The following MACROD2 variants were observed in gnomAD, a reference collection of about 807,000 sequenced individuals.
MACROD2 encodes ADP-ribose glycohydrolase MACROD2.
Under a neutral mutation model 70.4 loss-of-function variants are expected in MACROD2, and 36 were observed. That is an observed-to-expected ratio of 0.51 (90% CI 0.39 to 0.68). The LOEUF (loss-of-function observed/expected upper bound fraction) is 0.68. MACROD2 is among the 30% of genes least tolerant of loss of function. The probability of loss-of-function intolerance (pLI) is 0.00; values close to 1 mark genes in which losing one functional copy is unlikely to be tolerated. For missense variants in MACROD2, 496 were observed against 538.4 expected, an observed-to-expected ratio of 0.92 and a Z score of 0.78; for synonymous variants, 172 against 178.8, an observed-to-expected ratio of 0.96 and a Z score of 0.30.
chr20:14,039,401 G>A (rs951657020), intron 2 of MACROD2, among the ~76,000 whole-genome samples: 1 of 152,066 alleles, frequency 6.6e-6, no homozygotes, highest in Non-Finnish European at 1.5e-5. Flanking sequence ...AAAGAATGAT[G>A]TTACCAAAGG....
chr20:14,539,026 A>G (rs2085400138), intron 4 of MACROD2, among the ~76,000 whole-genome samples: 1 of 152,306 alleles, frequency 6.6e-6, no homozygotes, highest in East Asian at 1.9e-4. Context: ...CATTTCACAT[A>G]TGACTGGCTA....
Position 15,713,987 on chromosome 20 carries a change from G to GCGCA in MACROD2, c.646-148757_646-148756insGCAC, listed in dbSNP as rs1555868663. 4.2e-5 allele frequency among the ~76,000 whole-genome samples: 5 copies of GCGCA among 117,788 alleles called. No individual in the cohort carries two copies. In the East Asian group the frequency reaches 9.9e-4, roughly 23 times the overall value. The allele number at this position is 117,788 out of a possible 152,430, so 77.3% of individuals were successfully genotyped here. On this transcript the variant is annotated intron_variant, in intron 8 of 17. Coordinates refer to ENST00000684519, the MANE Select transcript of MACROD2 (RefSeq NM_001351661.2). ...TGTTCTAGTAAACACACACACATATGCACACACACACACACACACACACAC... is the reference window on the plus strand; with the variant it reads ...TGTTCTAGTAAACACACACACATATGCGCACACACACACACACACACACACACAC...
chr20:15,189,751 C>T (rs1488636970), intron 5 of MACROD2, among the ~76,000 whole-genome samples: 1 of 151,432 alleles, frequency 6.6e-6, no homozygotes, highest in Non-Finnish European at 1.5e-5. Context: ...AATACAGATC[C>T]TCTTCAGTGC....
intron 6 of MACROD2, among the ~76,000 whole-genome samples, chr20:15,362,477 T>C (rs2078364191): frequency 6.6e-6 from 1 of 152,180 alleles, no homozygotes; most frequent in Non-Finnish European, 1.5e-5. Flanking sequence ...CTATATTCAG[T>C]TTTTTGAGTT....
Position 15,690,320 on chromosome 20 carries a change from A to G in MACROD2, c.646-172425A>G, listed in dbSNP as rs150048250. Among the ~76,000 whole-genome samples the G allele has an allele frequency of 3.0e-3, 454 of 152,312 alleles. 3 individuals are homozygous for G. The highest frequency in any genetic ancestry group is 0.011 in the African/African-American group (446 of 41,580). On this transcript the variant is annotated intron_variant, in intron 8 of 17. Transcript: ENST00000684519. ...GATGGCAAGGGACAAAAGGAAGGGA[A>G]AAATCAAGGATGATTCTTAGGAATT...
chr20:15,706,774 A>C (rs1204219131), intron 8 of MACROD2, among the ~76,000 whole-genome samples: 1 of 152,186 alleles, frequency 6.6e-6, no homozygotes, highest in Non-Finnish European at 1.5e-5. Flanking sequence ...CTTTATCACC[A>C]TCATAATTCA....
intron 3 of MACROD2, among the ~76,000 whole-genome samples, chr20:14,321,279 C>T (rs938334657): frequency 1.1e-4 from 17 of 151,914 alleles, no homozygotes; most frequent in Admixed American, 3.9e-4. Flanking sequence ...GCAGGAGAAT[C>T]GCTTGAATCC....
At chr20:14,902,582 G>A (rs1023495493) in intron 5 of MACROD2, among the ~76,000 whole-genome samples, 1 of 152,134 alleles carries the variant, frequency 6.6e-6, no homozygotes, top group Non-Finnish European at 1.5e-5. Flanking sequence ...TCAGTCTAGG[G>A]GGAAGTGAGA....
Position 14,875,158 on chromosome 20 carries a change from G to A in MACROD2, c.418+190199G>A, listed in dbSNP as rs367798757. ...AGCACTTTGGGAGGCTGAGGTGGGC[G>A]GATCACGAGGTCAGGAGTTCGAGAC... is the stretch of plus-strand genomic sequence containing the variant. On this transcript the variant is annotated intron_variant, in intron 5 of 17. Transcript: ENST00000684519. 2.2e-3 allele frequency among the ~76,000 whole-genome samples: 340 copies of A among 151,994 alleles called. 2 individuals carry two copies. The highest frequency in any genetic ancestry group is 4.2e-3 in the Non-Finnish European group (287 of 67,944).
intron 8 of MACROD2, among the ~76,000 whole-genome samples, chr20:15,647,389 A>G (rs1246237157): frequency 6.6e-6 from 1 of 151,100 alleles, no homozygotes; most frequent in Non-Finnish European, 1.5e-5. Context: ...CTATTACGGC[A>G]TAAACATGAG....
intron 6 of MACROD2, among the ~76,000 whole-genome samples, chr20:15,280,323 T>A (rs936700342): frequency 1.3e-5 from 2 of 152,088 alleles, no homozygotes; most frequent in African/African-American, 2.4e-5. Flanking sequence ...CTTTTTTTTT[T>A]ATTTTATATA....
intron 2 of MACROD2, among the ~76,000 whole-genome samples, chr20:14,071,383 C>T (rs1368699890): frequency 6.6e-6 from 1 of 151,004 alleles, no homozygotes; most frequent in African/African-American, 2.4e-5. Context: ...GCCTCAGCCT[C>T]CCCAGTTGCT....
rs182483224 is a variant in MACROD2, at chr20:15,031,755, G to C, written c.419-198185G>C. On this transcript the variant is annotated intron_variant, in intron 5 of 17. Coordinates refer to ENST00000684519, the MANE Select transcript of MACROD2 (RefSeq NM_001351661.2). Reference sequence around the variant, plus strand: ...GATTGGTCCATGGGTAGCCATAGGCGGGCCTGGAGGGAGCACCATAAATTC... The same window carrying C: ...GATTGGTCCATGGGTAGCCATAGGCCGGCCTGGAGGGAGCACCATAAATTC... 3.7e-3 allele frequency among the ~76,000 whole-genome samples: 560 copies of C among 152,256 alleles called. 13 individuals are homozygous for C. Among genetic ancestry groups the C allele is most frequent in the African/African-American group, 0.012 (516 of 41,552 alleles).
intron 4 of MACROD2, among the ~76,000 whole-genome samples, chr20:14,517,771 T>G (rs2085119125): frequency 6.6e-6 from 1 of 152,170 alleles, no homozygotes. Flanking sequence ...CAGTGCCATA[T>G]ACTAAAAAAA....
chr20:15,420,608 A>AG (rs397728037), intron 6 of MACROD2, among the ~76,000 whole-genome samples: 22 of 151,790 alleles, frequency 1.4e-4, no homozygotes, highest in African/African-American at 4.8e-4. Flanking sequence ...GGGGAAAAAA[A>AG]TTGAATTATT....
intron 5 of MACROD2, among the ~76,000 whole-genome samples, chr20:15,038,874 T>C (rs1243428910): frequency 1.3e-5 from 2 of 152,198 alleles, no homozygotes; most frequent in Non-Finnish European, 2.9e-5. Flanking sequence ...GGATTCATTA[T>C]AATATATGTG....
rs1478169958 is a variant in MACROD2 at position 15,166,364 on chromosome 20, T to A, written c.419-63576T>A. Among the ~76,000 whole-genome samples, 3 of 152,140 alleles carry A rather than the reference T, an allele frequency of 2.0e-5. No individual in the cohort carries two copies. The East Asian group carries it at 5.8e-4, about 29-fold the overall frequency. Reference sequence around the variant, plus strand: ...CCTTATGAAAGAGACCACAGAAGGCTCTCTCTTTTCTGAAATGTGAATATG... The same window carrying A: ...CCTTATGAAAGAGACCACAGAAGGCACTCTCTTTTCTGAAATGTGAATATG... On this transcript the variant is annotated intron_variant, in intron 5 of 17. Transcript: ENST00000684519.
chr20:14,563,401 G>C (rs1029803898), intron 4 of MACROD2, among the ~76,000 whole-genome samples: 1 of 151,908 alleles, frequency 6.6e-6, no homozygotes, highest in Non-Finnish European at 1.5e-5. Flanking sequence ...ATATTTAAAC[G>C]TTAGCAGTTA....
chr20:15,956,650 G>A (rs2065980944), intron 12 of MACROD2, among the ~76,000 whole-genome samples: 1 of 152,126 alleles, frequency 6.6e-6, no homozygotes, highest in Non-Finnish European at 1.5e-5. Context: ...AGTGTTCCCT[G>A]GAACAGCAGC....
Sources: gnomAD v4.1 joint callset for allele counts (sites outside exome capture counted in the v4.1 genomes callset) on GRCh38, gnomAD v4.1.1 for gene constraint, MANE v1.5 for transcripts, NCBI Gene and HGNC (gene_info 2026-07-23, HGNC 2026-07-21) for gene names.